Variants in CDH10 observed in about 807,000 individuals in gnomAD.
CDH10 encodes cadherin 10.
A neutral mutation model predicts 73.1 loss-of-function variants in CDH10; 30 were observed. The observed-to-expected ratio is 0.41, with a 90% CI of 0.31 to 0.56. The LOEUF is 0.56. Among genes scored for constraint, CDH10 ranks in the 20% least tolerant of loss-of-function variants. CDH10 has a pLI of 0.27. For synonymous variants in CDH10, 345 were observed against 348.2 expected, an observed-to-expected ratio of 0.99 and a Z score of 0.10; for missense variants, 815 against 973.7, an observed-to-expected ratio of 0.84 and a Z score of 2.17.
At chr5:24,589,446 T>C (rs1273696506) in intron 2 of CDH10, among the ~76,000 whole-genome samples, 1 of 152,022 alleles carries the variant, frequency 6.6e-6, no homozygotes, top group Non-Finnish European at 1.5e-5. Context: ...GATTTTACTA[T>C]ACTGACTTAG....
intron 1 of CDH10, among the ~76,000 whole-genome samples, chr5:24,617,407 A>G (rs1747163410): frequency 6.6e-6 from 1 of 152,148 alleles, no homozygotes; most frequent in East Asian, 1.9e-4. Context: ...ACTTTAAACA[A>G]AATGTAGAAG....
At chr5:24,522,517 TA>T (rs1743374699) in intron 5 of CDH10, among the ~76,000 whole-genome samples, 2 of 126,136 alleles carry the variant, frequency 1.6e-5, no homozygotes, top group Admixed American at 1.5e-4. Flanking sequence ...TAAAATAAAA[TA>T]AAAAAGTCTG....
Position 24,596,635 on chromosome 5 carries a change from T to C in CDH10, c.-123-3022A>G, listed in dbSNP as rs78517179. 7.4e-3 allele frequency among the ~76,000 whole-genome samples: 1,124 copies of C among 152,098 alleles called. 10 individuals carry two copies. Among genetic ancestry groups the C allele is most frequent in the African/African-American group, 0.026 (1,084 of 41,540 alleles). On this transcript the variant is annotated intron_variant, in intron 1 of 11. Coordinates refer to ENST00000264463, the MANE Select transcript of CDH10 (RefSeq NM_006727.5). ...TCAATATCCGAAACCAGATAATTTT[T>C]AAAACATCATTTTGTAATATTTCTA...
At chr5:24,526,420 C>A (rs574732260) in intron 5 of CDH10, among the ~76,000 whole-genome samples, 1 of 151,942 alleles carries the variant, frequency 6.6e-6, no homozygotes, top group African/African-American at 2.4e-5. Context: ...TTTTACATGT[C>A]TATTTTCACT....
rs181430009 is a variant in CDH10, at chr5:24,510,681, G to A, written c.1002+646C>T. ...TACCTTGCAAAAGTATCTCAGAATA[G>A]TTTAATTATTAACTAATGCTTGTGT... On this transcript the variant is annotated intron_variant, in intron 6 of 11. Transcript: ENST00000264463. Among the ~76,000 whole-genome samples the A allele has an allele frequency of 7.9e-5, 12 of 152,248 alleles. No homozygotes were observed. In the East Asian group the frequency reaches 2.3e-3, roughly 29 times the overall value.
chr5:24,628,542 A>G (rs920535206), intron 1 of CDH10, among the ~76,000 whole-genome samples: 2 of 152,264 alleles, frequency 1.3e-5, no homozygotes, highest in Non-Finnish European at 2.9e-5. Context: ...ATTTGGGTGT[A>G]TATTAACACC....
chr5:24,499,138 G>GTCAA (rs1441780299), intron 8 of CDH10, among the ~76,000 whole-genome samples: 2 of 152,116 alleles, frequency 1.3e-5, no homozygotes, highest in African/African-American at 2.4e-5. Context: ...AACAACTGCT[G>GTCAA]TCAAATTTCT....
intron 2 of CDH10, among the ~76,000 whole-genome samples, chr5:24,592,561 A>T (rs1383306846): frequency 6.6e-6 from 1 of 151,916 alleles, no homozygotes; most frequent in African/African-American, 2.4e-5. Flanking sequence ...AGCATTCATT[A>T]GTACTTTTAT....
intron 1 of CDH10, among the ~76,000 whole-genome samples, chr5:24,636,817 C>A (rs1199014600): frequency 6.6e-6 from 1 of 151,850 alleles, no homozygotes; most frequent in Non-Finnish European, 1.5e-5. Flanking sequence ...CCCACATAGT[C>A]CCCTGTGTCT....
chr5:24,629,555 C>A (rs1355751033), intron 1 of CDH10, among the ~76,000 whole-genome samples: 3 of 152,046 alleles, frequency 2.0e-5, no homozygotes, highest in Non-Finnish European at 2.9e-5. Context: ...GTGTTCCCAC[C>A]CAAATCTTAT....
At chr5:24,600,671 T>C (rs1746530539) in intron 1 of CDH10, among the ~76,000 whole-genome samples, 1 of 152,016 alleles carries the variant, frequency 6.6e-6, no homozygotes, top group African/African-American at 2.4e-5. Flanking sequence ...GGACAGGAGT[T>C]AAAATGAGTT....
chr5:24,593,372 C>T lies in CDH10; in HGVS notation c.119G>A (p.Arg40His), dbSNP rs777678940. Residue 40 changes from arginine (R) to histidine (H), a missense_variant, in exon 2 of 12, where the codon CGT (arginine) becomes CAT (histidine). Transcript: ENST00000264463. The stretch of plus-strand genomic sequence containing the variant: ...AATTTTGCCATCACTCCTTGGTACA[C>T]GTGAACTTAAAATTCTTTGCTGTGG... ...PVPQQRILSS[R>H]VPRSDGKILH... The T allele has an allele frequency of 1.5e-5, 24 of 1,612,382 alleles. No homozygotes were observed. Among genetic ancestry groups the T allele is most frequent in the Admixed American group, 8.3e-5 (5 of 59,922 alleles).
chr5:24,623,608 C>T (rs914455769), intron 1 of CDH10, among the ~76,000 whole-genome samples: 3 of 152,018 alleles, frequency 2.0e-5, no homozygotes, highest in Non-Finnish European at 2.9e-5. Flanking sequence ...TTTTCAGGTC[C>T]AGCAGGAGTT....
In CDH10 at chr5:24,511,522, G is replaced by A. The variant is rs2111767816; in HGVS notation, c.815-8C>T. The A allele has an allele frequency of 9.4e-7, 1 of 1,063,780 alleles. No homozygotes were observed. Among genetic ancestry groups the A allele is most frequent in the Non-Finnish European group, 1.4e-6 (1 of 725,848 alleles). 65.9% of individuals were successfully genotyped at this position (1,063,780 alleles called of 1,614,324 possible). ...CTCGAAGATGAATAGTGTCTGTAAAGTATAAAGAAAAGAAGAGAGAGACAG... is the reference window on the plus strand; with the variant it reads ...CTCGAAGATGAATAGTGTCTGTAAAATATAAAGAAAAGAAGAGAGAGACAG... On this transcript the variant is annotated splice_polypyrimidine_tract_variant and splice_region_variant and intron_variant, in intron 5 of 11. Coordinates refer to ENST00000264463, the MANE Select transcript of CDH10 (RefSeq NM_006727.5).
At chr5:24,631,255 T>C (rs960057983) in intron 1 of CDH10, among the ~76,000 whole-genome samples, 12 of 152,138 alleles carry the variant, frequency 7.9e-5, no homozygotes, top group Non-Finnish European at 1.2e-4. Flanking sequence ...GTTACTTTTC[T>C]GTGAAATTTT....
intron 1 of CDH10, among the ~76,000 whole-genome samples, chr5:24,615,108 G>A (rs945732103): frequency 5.3e-5 from 8 of 152,002 alleles, no homozygotes; most frequent in South Asian, 2.1e-4. Flanking sequence ...TACTGTTCTC[G>A]CCTGTTTCTC....
Position 24,593,526 on chromosome 5 carries a change from AGAAGT to A in CDH10, c.-41_-37del, listed in dbSNP as rs1346249195. 2.5e-6 allele frequency: 3 copies of A among 1,195,140 alleles called. No homozygotes were observed. The African/African-American group carries it at 4.5e-5, about 18-fold the overall frequency. 74.0% of individuals were successfully genotyped at this position (1,195,140 alleles called of 1,614,324 possible). A position where few individuals can be genotyped will look rare whatever the true frequency, so the allele number is the denominator to read the frequency against. The stretch of plus-strand genomic sequence containing the variant: ...TTGACAAATCCCAGTGTAGATGAAG[AGAAGT>A]GGTCCTATTTTACCCAGTTGGTTTT... On this transcript the variant is annotated 5_prime_UTR_variant, in exon 2 of 12. Transcript: ENST00000264463.
intron 1 of CDH10, among the ~76,000 whole-genome samples, chr5:24,626,792 A>ATGTG (rs58419965): frequency 5.6e-4 from 84 of 149,106 alleles, no homozygotes; most frequent in African/African-American, 1.9e-3. Flanking sequence ...ATATATATAT[A>ATGTG]TGTGTGTGTG....
chr5:24,643,272 A>G (rs1748115750), intron 1 of CDH10, among the ~76,000 whole-genome samples: 1 of 152,140 alleles, frequency 6.6e-6, no homozygotes, highest in Admixed American at 6.6e-5. Flanking sequence ...CTTTTAACTA[A>G]AAATGAACAT....
Sources: gnomAD v4.1 joint callset for allele counts (sites outside exome capture counted in the v4.1 genomes callset) on GRCh38, gnomAD v4.1.1 for gene constraint, MANE v1.5 for transcripts, NCBI Gene and HGNC (gene_info 2026-07-23, HGNC 2026-07-21) for gene names.